The following SEMA5A variants were observed in gnomAD, a reference collection of about 807,000 sequenced individuals.
SEMA5A encodes semaphorin 5A, also known as semaphorin-5A.
SEMA5A carries 55 observed loss-of-function variants against 135.5 expected under a neutral mutation model. The ratio of observed to expected loss-of-function variants is 0.41; its 90% confidence interval spans 0.33 to 0.51. The LOEUF (loss-of-function observed/expected upper bound fraction) is 0.51, where lower values mean the gene tolerates loss of function less well. Ranked by LOEUF, SEMA5A falls within the 20% of genes least tolerant of loss-of-function variation. The probability of loss-of-function intolerance (pLI) is 0.37; values close to 1 mark genes in which losing one functional copy is unlikely to be tolerated. For synonymous variants in SEMA5A, 580 were observed against 546.5 expected, an observed-to-expected ratio of 1.06 and a Z score of -0.85; for missense variants, 1,290 against 1,419.9, an observed-to-expected ratio of 0.91 and a Z score of 1.47.
At chr5:9,155,384 C>T (rs1287885008) in intron 11 of SEMA5A, among the ~76,000 whole-genome samples, 1 of 151,224 alleles carries the variant, frequency 6.6e-6, no homozygotes, top group Admixed American at 6.6e-5. Context: ...TATTTATCTG[C>T]TTGACTGCTA....
At chr5:9,194,741 C>A (rs921969246) in intron 10 of SEMA5A, among the ~76,000 whole-genome samples, 1 of 152,212 alleles carries the variant, frequency 6.6e-6, no homozygotes, top group Non-Finnish European at 1.5e-5. Flanking sequence ...ATGCAAGCTT[C>A]CTGCCTGAAA....
Position 9,122,777 on chromosome 5 carries a change from G to C in SEMA5A, c.1660C>G (p.His554Asp). The C allele has an allele frequency of 1.2e-6, 2 of 1,613,086 alleles. No individual in the cohort carries two copies. The highest frequency in any genetic ancestry group is 8.5e-7 in the Non-Finnish European group (1 of 1,179,692). The change falls in exon 14 of 23, where the codon CAC becomes GAC. Residue 554 changes from histidine (H) to aspartate (D), a missense_variant. By Grantham distance (81) the His-to-Asp change is moderately conservative. Coordinates refer to ENST00000382496, the MANE Select transcript of SEMA5A (RefSeq NM_003966.3). ...GATCCCACGGCGCTGCCATCTGTGTGCGTGCAAGGCGTCCACGGAGACCAC... is the reference window on the plus strand; with the variant it reads ...GATCCCACGGCGCTGCCATCTGTGTCCGTGCAAGGCGTCCACGGAGACCAC... ...GVWSPWTPCT[H>D]TDGSAVGSCL...
At chr5:9,194,496 T>C (rs900443257) in intron 10 of SEMA5A, among the ~76,000 whole-genome samples, 1 of 152,224 alleles carries the variant, frequency 6.6e-6, no homozygotes, top group Non-Finnish European at 1.5e-5. Context: ...ATAAGGCCTC[T>C]TATACATGTC....
At chr5:9,378,217 A>G (rs1755448620) in intron 3 of SEMA5A, among the ~76,000 whole-genome samples, 1 of 152,170 alleles carries the variant, frequency 6.6e-6, no homozygotes, top group Non-Finnish European at 1.5e-5. Context: ...AAAAAATAAA[A>G]GTATAAATTG....
At chr5:9,048,147 C>G (rs1048680943) in intron 21 of SEMA5A, among the ~76,000 whole-genome samples, 1 of 152,154 alleles carries the variant, frequency 6.6e-6, no homozygotes, top group Non-Finnish European at 1.5e-5. Flanking sequence ...AGTCCTGGAC[C>G]CTGGGTGTTG....
chr5:9,099,456 G>A (rs1309259722), intron 16 of SEMA5A, among the ~76,000 whole-genome samples: 7 of 152,082 alleles, frequency 4.6e-5, no homozygotes, highest in East Asian at 1.9e-4. Flanking sequence ...TTCCCTTTAC[G>A]GAAGAATATT....
At chr5:9,413,249 C>T (rs755044704) in intron 2 of SEMA5A, among the ~76,000 whole-genome samples, 9 of 152,022 alleles carry the variant, frequency 5.9e-5, no homozygotes, top group Non-Finnish European at 8.8e-5. Flanking sequence ...GGAGAATGGG[C>T]GTTACTTAAA....
At chr5:9,506,739 C>T (rs1003278583) in intron 1 of SEMA5A, among the ~76,000 whole-genome samples, 1 of 152,272 alleles carries the variant, frequency 6.6e-6, no homozygotes, top group South Asian at 2.1e-4. Flanking sequence ...CAATAGGGAG[C>T]TTCCAGAGCA....
chr5:9,520,196 T>A (rs1736745399), intron 1 of SEMA5A, among the ~76,000 whole-genome samples: 1 of 152,182 alleles, frequency 6.6e-6, no homozygotes, highest in Non-Finnish European at 1.5e-5. Flanking sequence ...AAATCATTCA[T>A]CAGTCCAACA....
intron 1 of SEMA5A, among the ~76,000 whole-genome samples, chr5:9,483,057 T>A (rs1261983175): frequency 6.6e-6 from 1 of 152,212 alleles, no homozygotes; most frequent in Non-Finnish European, 1.5e-5. Flanking sequence ...TAAATTGCCA[T>A]GCCAATAATT....
chr5:9,512,910 T>C (rs1736287150), intron 1 of SEMA5A, among the ~76,000 whole-genome samples: 1 of 152,074 alleles, frequency 6.6e-6, no homozygotes, highest in Non-Finnish European at 1.5e-5. Context: ...AGTTTTTCAG[T>C]AATTAAGCAT....
At chr5:9,213,236 C>T (rs1370230807) in intron 8 of SEMA5A, among the ~76,000 whole-genome samples, 2 of 152,186 alleles carry the variant, frequency 1.3e-5, no homozygotes, top group Non-Finnish European at 2.9e-5. Flanking sequence ...AATGTTCAGA[C>T]CATAGCACCA....
chr5:9,242,899 ATATCT>A (rs1273005787), intron 5 of SEMA5A, among the ~76,000 whole-genome samples: 3 of 152,226 alleles, frequency 2.0e-5, no homozygotes, highest in African/African-American at 7.2e-5. Flanking sequence ...ATTAGAAGAA[ATATCT>A]TAACTTTAGA....
intron 1 of SEMA5A, among the ~76,000 whole-genome samples, chr5:9,445,793 G>A (rs146702433): frequency 1.3e-5 from 2 of 152,330 alleles, no homozygotes; most frequent in African/African-American, 4.8e-5. Context: ...GTCCCCATGT[G>A]ATGACACATG....
chr5:9,156,606 A>G (rs2150268067), intron 11 of SEMA5A, among the ~76,000 whole-genome samples: 1 of 152,294 alleles, frequency 6.6e-6, no homozygotes, highest in East Asian at 1.9e-4. Flanking sequence ...CCTGGGTGAA[A>G]CAGGAGCTTT....
chr5:9,527,162 C>G (rs1445703610), intron 1 of SEMA5A, among the ~76,000 whole-genome samples: 1 of 152,086 alleles, frequency 6.6e-6, no homozygotes, highest in Non-Finnish European at 1.5e-5. Flanking sequence ...TGAGCACTTA[C>G]CAGGTCCCGA....
chr5:9,316,758 G>T (rs755969200), intron 5 of SEMA5A, among the ~76,000 whole-genome samples: 36 of 151,984 alleles, frequency 2.4e-4, no homozygotes, highest in Non-Finnish European at 2.4e-4. Flanking sequence ...TAATTAATAT[G>T]CAGGTATCTC....
At chr5:9,184,460 G>C (rs1744700447) in intron 11 of SEMA5A, among the ~76,000 whole-genome samples, 1 of 151,986 alleles carries the variant, frequency 6.6e-6, no homozygotes, top group Non-Finnish European at 1.5e-5. Context: ...CCACAGACAG[G>C]GTTCTTTGGT....
At chr5:9,174,841 T>G (rs1744118541) in intron 11 of SEMA5A, among the ~76,000 whole-genome samples, 1 of 152,206 alleles carries the variant, frequency 6.6e-6, no homozygotes, top group South Asian at 2.1e-4. Context: ...TCTGCTACCG[T>G]GCCCTTCATG....
Sources: allele counts gnomAD v4.1 joint callset (sites outside exome capture counted in the v4.1 genomes callset), GRCh38; gene constraint gnomAD v4.1.1; transcripts MANE v1.5; gene names NCBI Gene and HGNC (gene_info 2026-07-23, HGNC 2026-07-21).